RNF208: variants seen among roughly 807,000 people sequenced by gnomAD.
RNF208 encodes ring finger protein 208.
In RNF208, 7 loss-of-function variants were observed where a neutral mutation model predicts 15.2. The ratio of observed to expected loss-of-function variants is 0.46; its 90% CI spans 0.26 to 0.86. The LOEUF (loss-of-function observed/expected upper bound fraction) is 0.86, where lower values mean the gene tolerates loss of function less well. Ranked by LOEUF, RNF208 falls within the 40% of genes least tolerant of loss-of-function variation. The pLI, the probability that RNF208 is intolerant of heterozygous loss-of-function variation, is 0.16. For synonymous variants in RNF208, 211 were observed against 163.2 expected (o/e 1.29, Z -2.23); for missense variants, 342 against 364.1 (o/e 0.94, Z 0.49).
At chr9:137,223,141 G>A (rs1473608427), upstream of RNF208, among the ~76,000 whole-genome samples, 1 of 152,280 alleles carries the variant, frequency 6.6e-6, no homozygotes, top group Non-Finnish European at 1.5e-5. Flanking sequence ...TGCCGCTGGT[G>A]CGGGAGCTCG....
chr9:137,221,951 C>T (rs1835877635), intron 1 of RNF208, among the ~76,000 whole-genome samples, 38 bp downstream of exon 1: 1 of 151,938 alleles, frequency 6.6e-6, no homozygotes, highest in Admixed American at 6.6e-5. Flanking sequence ...TGGGGAGGGG[C>T]GCTGAGTCCG....
At position 137,220,971 on chromosome 9, in the gene RNF208, T is replaced by C; in HGVS notation, c.242A>G (p.Asp81Gly). 1.9e-6 allele frequency: 3 copies of C among 1,547,288 alleles called. No individual in the cohort carries two copies. The highest frequency in any genetic ancestry group is 2.6e-6 in the Non-Finnish European group (3 of 1,142,566). ...GGGTGCCCCTTCCAAGGCAGGCATG[T>C]CCCCCCCACAGGCCTGGTTGACAAT... ...EIIVNQACGGDMPALEGAPHT... is the reference protein window; with the variant it reads ...EIIVNQACGGGMPALEGAPHT... Residue 81 changes from aspartate (D) to glycine (G), a missense_variant, in exon 2 of 2, where the codon GAC becomes GGC. By Grantham distance (94) the Asp-to-Gly change is moderately conservative. This residue lies in a region of RNF208 where 207 missense variants were observed against 193.7 expected (regional missense o/e 1.07). Coordinates refer to ENST00000391553, the MANE Select transcript of RNF208 (RefSeq NM_031297.7).
At chr9:137,223,184 C>A (rs1462360113), upstream of RNF208, among the ~76,000 whole-genome samples, 5 of 152,258 alleles carry the variant, frequency 3.3e-5, no homozygotes, top group Non-Finnish European at 5.9e-5. Context: ...AGCAGCCCTG[C>A]GCATAGGGTC....
At position 137,221,060 on chromosome 9, in the gene RNF208, C is replaced by A. The variant is rs539579214; in HGVS notation, c.153G>T (p.Pro51=). The A allele has an allele frequency of 3.7e-6, 6 of 1,600,912 alleles. No homozygotes were observed. The highest frequency in any genetic ancestry group is 5.1e-6 in the Non-Finnish European group (6 of 1,174,618). The change falls in exon 2 of 2, where the codon CCG becomes CCT. Residue 51 remains proline (P), a synonymous_variant. Transcript: ENST00000391553. Reference sequence around the variant, plus strand: ...GAGTTGGGGTGGGCCGGGGAGCAGGCGGGAAGCAGGGGGCAGCCGGTAGCT... The same window carrying A: ...GAGTTGGGGTGGGCCGGGGAGCAGGAGGGAAGCAGGGGGCAGCCGGTAGCT... The part of the protein sequence containing the change: ...FPELPAAPCF[P]PAPRPTPTLA...
Position 137,220,509 on chromosome 9 carries a change from C to T in RNF208, c.704G>A (p.Cys235Tyr). The T allele has an allele frequency of 6.2e-7, 1 of 1,601,788 alleles. No individual in the cohort carries two copies. Residue 235 changes from cysteine to tyrosine, a missense_variant, in exon 2 of 2, where the codon TGC becomes TAC. Around this residue, in one of 3 missense-constraint regions of RNF208, gnomAD observed 59 missense variants for 52.4 expected, o/e 1.13. Transcript: ENST00000391553. The stretch of plus-strand genomic sequence containing the variant: ...ACAGTACTGCCGGAAGGTCTGGTAG[C>T]AGCTGCCCTCGGGCTCAGCCCCCCA... ...GQWGAEPEGS[C>Y]YQTFRQYCGA...
chr9:137,221,241 CGGGT>C lies in RNF208; in HGVS notation c.-33_-30del. 4 of 187,000 alleles carry C rather than the reference CGGGT, an allele frequency of 2.1e-5. No individual in the cohort carries two copies. The highest frequency in any genetic ancestry group is 3.1e-5 in the Non-Finnish European group (4 of 128,574). The allele number at this position is 187,000 out of a possible 1,614,324, so 11.6% of individuals were successfully genotyped here. A position where few individuals can be genotyped will look rare whatever the true frequency, so the allele number is the denominator to read the frequency against. ...GCTGTCTCCAGTCAGACTGGATGTT[CGGGT>C]GGGTGGGGGCGTTGTGTGGGGCTGG... On this transcript the variant is annotated 5_prime_UTR_variant, in exon 2 of 2. It removes the in-frame stop codon of an upstream open reading frame in the 5' UTR. Transcript: ENST00000391553.
In RNF208 at chr9:137,221,056, C is replaced by T; in HGVS notation, c.157G>A (p.Ala53Thr). 1 of 1,600,528 alleles carries T rather than the reference C, an allele frequency of 6.2e-7. No homozygotes were observed. The highest frequency in any genetic ancestry group is 8.5e-7 in the Non-Finnish European group (1 of 1,174,316). ...ELPAAPCFPPAPRPTPTLAPK... is the reference protein window; with the variant it reads ...ELPAAPCFPPTPRPTPTLAPK... ...GCCAGAGTTGGGGTGGGCCGGGGAG[C>T]AGGCGGGAAGCAGGGGGCAGCCGGT... The change falls in exon 2 of 2, where the codon GCT (alanine) becomes ACT (threonine). Residue 53 changes from alanine (A) to threonine (T), a missense_variant. Coordinates refer to ENST00000391553, the MANE Select transcript of RNF208 (RefSeq NM_031297.7).
Position 137,221,754 on chromosome 9 carries a change from G to C in RNF208, c.-526-16C>G, listed in dbSNP as rs1036263321. 3.8e-4 allele frequency among the ~76,000 whole-genome samples: 58 copies of C among 152,110 alleles called. No homozygotes were observed. The highest frequency in any genetic ancestry group is 1.2e-3 in the African/African-American group (48 of 41,426). ...CAGGCCTGAGCTGCAGGTGAGAGAC[G>C]GCATGAGGGCAGTGCCCCGGCCACC... On this transcript the variant is annotated splice_polypyrimidine_tract_variant and intron_variant, in intron 1 of 1. Transcript: ENST00000391553.
Position 137,221,747 on chromosome 9 carries a change from G to A in RNF208, c.-526-9C>T, listed in dbSNP as rs1717693343. On this transcript the variant is annotated splice_polypyrimidine_tract_variant and intron_variant, in intron 1 of 1. Coordinates refer to ENST00000391553, the MANE Select transcript of RNF208 (RefSeq NM_031297.7). ...CCTGGGCCAGGCCTGAGCTGCAGGT[G>A]AGAGACGGCATGAGGGCAGTGCCCC... Among the ~76,000 whole-genome samples, 1 of 152,102 alleles carries A rather than the reference G, an allele frequency of 6.6e-6. No individual in the cohort carries two copies. The highest frequency in any genetic ancestry group is 2.4e-5 in the African/African-American group (1 of 41,436).
Position 137,220,917 on chromosome 9 carries a change from C to T in RNF208, c.296G>A (p.Arg99His), listed in dbSNP as rs778808713. Residue 99 changes from arginine (R) to histidine (H), a missense_variant, in exon 2 of 2, where the codon CGT becomes CAT. Coordinates refer to ENST00000391553, the MANE Select transcript of RNF208 (RefSeq NM_031297.7). ...PHTPPLPRRP[R>H]KGSSELGFPR... ...AAAGCCCAGCTCCGAGCTTCCCTTA[C>T]GGGGCCGCCGTGGCAGTGGCGGGGT... 20 of 1,563,254 alleles carry T rather than the reference C, an allele frequency of 1.3e-5. No individual in the cohort carries two copies. The highest frequency in any genetic ancestry group is 3.6e-5 in the South Asian group (3 of 84,010).
At chr9:137,221,760 A>G (rs1835874900) in intron 1 of RNF208, among the ~76,000 whole-genome samples, 22 bp from the exon 2 acceptor site, 1 of 152,032 alleles carries the variant, frequency 6.6e-6, no homozygotes, top group South Asian at 2.1e-4. Flanking sequence ...AGACGGCATG[A>G]GGGCAGTGCC....
In RNF208 at chr9:137,220,971, TC is replaced by T. The variant is rs1835856952; in HGVS notation, c.241del (p.Asp81ThrfsTer38). 6 of 1,547,234 alleles carry T rather than the reference TC, an allele frequency of 3.9e-6. No homozygotes were observed. The highest frequency in any genetic ancestry group is 4.4e-6 in the Non-Finnish European group (5 of 1,142,536). On this transcript the variant is annotated frameshift_variant, in exon 2 of 2. Coordinates refer to ENST00000391553, the MANE Select transcript of RNF208 (RefSeq NM_031297.7). LOFTEE classifies it high-confidence loss of function. ...EIIVNQACGG[D>X]MPALEGAPHT... ...GGGTGCCCCTTCCAAGGCAGGCATGTCCCCCCCACAGGCCTGGTTGACAATG... is the reference window on the plus strand; with the variant it reads ...GGGTGCCCCTTCCAAGGCAGGCATGTCCCCCCACAGGCCTGGTTGACAATG...
rs1263962124 is a variant in RNF208 at position 137,221,243 on chromosome 9, G to A, written c.-31C>T. The A allele has an allele frequency of 1.7e-5, 24 of 1,409,152 alleles. 1 individual carries two copies. In the East Asian group the frequency reaches 5.8e-4, roughly 34 times the overall value. 87.3% of individuals were successfully genotyped at this position (1,409,152 alleles called of 1,614,324 possible). On this transcript the variant is annotated 5_prime_UTR_variant, in exon 2 of 2. Coordinates refer to ENST00000391553, the MANE Select transcript of RNF208 (RefSeq NM_031297.7). Reference sequence around the variant, plus strand: ...TGTCTCCAGTCAGACTGGATGTTCGGGTGGGTGGGGGCGTTGTGTGGGGCT... The same window carrying A: ...TGTCTCCAGTCAGACTGGATGTTCGAGTGGGTGGGGGCGTTGTGTGGGGCT...
In RNF208 at chr9:137,220,926, C is replaced by T. The variant is rs771399696; in HGVS notation, c.287G>A (p.Arg96Gln). 7.0e-6 allele frequency: 11 copies of T among 1,560,644 alleles called. No individual in the cohort carries two copies. The highest frequency in any genetic ancestry group is 5.5e-5 in the Admixed American group (3 of 54,474). ...CTCCGAGCTTCCCTTACGGGGCCGCCGTGGCAGTGGCGGGGTATGGGGTGC... is the reference window on the plus strand; with the variant it reads ...CTCCGAGCTTCCCTTACGGGGCCGCTGTGGCAGTGGCGGGGTATGGGGTGC... Reference protein sequence around the residue: ...EGAPHTPPLPRRPRKGSSELG... With the variant: ...EGAPHTPPLPQRPRKGSSELG... Residue 96 changes from arginine (R) to glutamine (Q), a missense_variant, in exon 2 of 2, where the codon CGG (arginine) becomes CAG (glutamine). Coordinates refer to ENST00000391553, the MANE Select transcript of RNF208 (RefSeq NM_031297.7).
upstream of RNF208, among the ~76,000 whole-genome samples, chr9:137,223,293 G>A (rs990848445): frequency 5.3e-5 from 8 of 152,212 alleles, no homozygotes; most frequent in East Asian, 7.7e-4. Context: ...GGGTCCTTAC[G>A]GGGCCCTGGC....
rs771745426 is a variant in RNF208, at chr9:137,220,390, C to T, written c.*37G>A. The T allele has an allele frequency of 3.8e-5, 58 of 1,520,794 alleles. No homozygotes were observed. Among genetic ancestry groups the T allele is most frequent in the Admixed American group, 2.0e-5 (1 of 50,578 alleles). 94.2% of individuals were successfully genotyped at this position (1,520,794 alleles called of 1,614,324 possible). A position where few individuals can be genotyped will look rare whatever the true frequency, so the allele number is the denominator to read the frequency against. ...GCCGGGTCCCTGAAGAAGCAGCGAG[C>T]GAGGCTCAGCGGGCAGTGGCGGGCA... On this transcript the variant is annotated 3_prime_UTR_variant, in exon 2 of 2. Transcript: ENST00000391553.
At position 137,222,154 on chromosome 9, in the gene RNF208, G is replaced by GGGGCGC. The variant is rs1156348098; in HGVS notation, c.-698_-693dup. 1.6e-4 allele frequency among the ~76,000 whole-genome samples: 24 copies of GGGGCGC among 146,272 alleles called. No individual in the cohort carries two copies. Among genetic ancestry groups the GGGGCGC allele is most frequent in the African/African-American group, 3.7e-4 (15 of 40,838 alleles). On this transcript the variant is annotated 5_prime_UTR_variant, in exon 1 of 2. Coordinates refer to ENST00000391553, the MANE Select transcript of RNF208 (RefSeq NM_031297.7). ...GATGGCGGGGCCCGGGCGGCACCGA[G>GGGGCGC]GGGCGCGGGCGCGGGCGTGGGGCGC... is the stretch of plus-strand genomic sequence containing the variant.
rs1835881538 is a variant in RNF208 at position 137,222,224 on chromosome 9, G to T, written c.-762C>A. On this transcript the variant is annotated 5_prime_UTR_variant, in exon 1 of 2. Transcript: ENST00000391553. ...GGCGGCGACGGCGGCAGGTGCGTGC[G>T]GAGCGTGGCGCGCTCTGCGGCGGAG... 6.8e-6 allele frequency among the ~76,000 whole-genome samples: 1 copy of T among 146,228 alleles called. No homozygotes were observed.
rs1286158196 is a variant in RNF208 at position 137,220,879 on chromosome 9, G to C, written c.334C>G (p.Pro112Ala). The change falls in exon 2 of 2, where the codon CCA (proline) becomes GCA (alanine). Residue 112 changes from proline to alanine, a missense_variant. Pro to Ala is a conservative substitution (Grantham distance 27). This residue lies in a region of RNF208 where 207 missense variants were observed against 193.7 expected (regional missense o/e 1.07). Coordinates refer to ENST00000391553, the MANE Select transcript of RNF208 (RefSeq NM_031297.7). ...SSELGFPRVA[P>A]EDEVIVNQYV... ...TGATTCACAATGACCTCATCCTCTGGGGCCACGCGGGGAAAGCCCAGCTCC... is the reference window on the plus strand; with the variant it reads ...TGATTCACAATGACCTCATCCTCTGCGGCCACGCGGGGAAAGCCCAGCTCC... 6.3e-6 allele frequency: 10 copies of C among 1,582,458 alleles called. No individual in the cohort carries two copies. The highest frequency in any genetic ancestry group is 8.6e-6 in the Non-Finnish European group (10 of 1,162,378).
Sources: gnomAD v4.1 joint callset for allele counts (sites outside exome capture counted in the v4.1 genomes callset) on GRCh38, gnomAD v4.1.1 for gene constraint, gnomAD v4.1.1 regional missense constraint, MANE v1.5 for transcripts, NCBI Gene and HGNC (gene_info 2026-07-23, HGNC 2026-07-21) for gene names.